The following RAB38 variants were observed in gnomAD, a reference collection of about 807,000 sequenced individuals.
RAB38 encodes RAB38, member RAS oncogene family.
RAB38 carries 15 observed loss-of-function variants against 18.4 expected under a neutral mutation model. That is an observed-to-expected ratio of 0.82 (90% CI 0.55 to 1.26). The LOEUF (loss-of-function observed/expected upper bound fraction) is 1.26, where lower values mean the gene tolerates loss of function less well. RAB38 is among the 50% of genes most tolerant of loss of function. The pLI is 0.00. For missense variants in RAB38, 294 were observed against 267.4 expected, an observed-to-expected ratio of 1.10 and a Z score of -0.69; for synonymous variants, 101 against 104.4, an observed-to-expected ratio of 0.97 and a Z score of 0.20.
At chr11:88,033,725 C>CTTTTTTTTTT in the RAB38 span, among the ~76,000 whole-genome samples, 4 of 101,120 alleles carry the variant, frequency 4.0e-5, no homozygotes, top group African/African-American at 7.8e-5. Context: ...GTTGTGTTGC[C>CTTTTTTTTTT]TTTTTTTTTT....
At chr11:87,893,959 T>A in the RAB38 span, among the ~76,000 whole-genome samples, 2 of 151,700 alleles carry the variant, frequency 1.3e-5, no homozygotes, top group Non-Finnish European at 3.0e-5. Context: ...TAAAATGCCA[T>A]TGGGATCTTG....
chr11:88,010,207 C>T, the RAB38 span, among the ~76,000 whole-genome samples: 1 of 152,122 alleles, frequency 6.6e-6, no homozygotes, highest in Admixed American at 6.5e-5. Context: ...ACACACTTGA[C>T]TTATGCTGTA....
At chr11:88,046,706 T>C in the RAB38 span, among the ~76,000 whole-genome samples, 1 of 152,148 alleles carries the variant, frequency 6.6e-6, no homozygotes, top group Admixed American at 6.5e-5. Flanking sequence ...AAAACACAAC[T>C]CCTTTCCTTC....
the RAB38 span, among the ~76,000 whole-genome samples, chr11:87,857,414 T>C: frequency 1.3e-5 from 2 of 152,194 alleles, no homozygotes; most frequent in African/African-American, 4.8e-5. Context: ...GTATTTCTAG[T>C]TCTAGATCCC....
At chr11:87,854,802 TTTTC>T in the RAB38 span, among the ~76,000 whole-genome samples, 1 of 152,204 alleles carries the variant, frequency 6.6e-6, no homozygotes, top group South Asian at 2.1e-4. Context: ...TATGATTCCT[TTTTC>T]TTTTTTGAGA....
chr11:87,930,598 T>G, the RAB38 span, among the ~76,000 whole-genome samples: 5 of 152,198 alleles, frequency 3.3e-5, no homozygotes, highest in African/African-American at 7.2e-5. Flanking sequence ...TTTTGGCTTT[T>G]GTTGCCATTG....
chr11:88,024,108 A>C, the RAB38 span, among the ~76,000 whole-genome samples: 3 of 152,164 alleles, frequency 2.0e-5, no homozygotes, highest in Non-Finnish European at 4.4e-5. Flanking sequence ...GTGAAGAGAT[A>C]ACCAGTAGAA....
At chr11:88,059,675 T>C in the RAB38 span, among the ~76,000 whole-genome samples, 3 of 152,208 alleles carry the variant, frequency 2.0e-5, no homozygotes, top group Admixed American at 2.0e-4. Context: ...TGTTTGGTCC[T>C]GAGTCTGTTA....
downstream of RAB38, among the ~76,000 whole-genome samples, chr11:88,111,165 C>CCCTATAAAT (rs1942468633): frequency 6.6e-6 from 1 of 152,174 alleles, no homozygotes; most frequent in Non-Finnish European, 1.5e-5. Context: ...TGCAATAACT[C>CCCTATAAAT]AGACATTTAT....
At chr11:87,922,788 A>G in the RAB38 span, among the ~76,000 whole-genome samples, 1 of 151,820 alleles carries the variant, frequency 6.6e-6, no homozygotes, top group Non-Finnish European at 1.5e-5. Flanking sequence ...TAAATAAGAA[A>G]GGAGGAAAGA....
chr11:87,930,430 A>G, the RAB38 span, among the ~76,000 whole-genome samples: 1 of 151,832 alleles, frequency 6.6e-6, no homozygotes, highest in Non-Finnish European at 1.5e-5. Context: ...TTTTCTTGTA[A>G]ATTTGTTTGA....
chr11:88,007,033 T>TGTGATGGA, the RAB38 span, among the ~76,000 whole-genome samples: 1 of 151,890 alleles, frequency 6.6e-6, no homozygotes, highest in Non-Finnish European at 1.5e-5. Context: ...GAAATAATGT[T>TGTGATGGA]TAATGTGATG....
the RAB38 span, among the ~76,000 whole-genome samples, chr11:87,852,991 A>G: frequency 6.6e-6 from 1 of 152,202 alleles, no homozygotes; most frequent in Non-Finnish European, 1.5e-5. Context: ...ACAAAATGGG[A>G]TGCCTCCTAA....
the RAB38 span, among the ~76,000 whole-genome samples, chr11:87,910,825 C>T: frequency 5.9e-5 from 9 of 151,606 alleles, 1 homozygote; most frequent in African/African-American, 1.9e-4. Flanking sequence ...TTAGTAGAGA[C>T]GGGGTTTCAC....
At chr11:88,112,795 T>C (rs551139157), downstream of RAB38, among the ~76,000 whole-genome samples, 1 of 124,522 alleles carries the variant, frequency 8.0e-6, no homozygotes, top group Non-Finnish European at 1.6e-5. Context: ...AACAACAAAA[T>C]ATATATATAT....
At chr11:88,031,287 A>G in the RAB38 span, among the ~76,000 whole-genome samples, 1 of 151,524 alleles carries the variant, frequency 6.6e-6, no homozygotes, top group African/African-American at 2.4e-5. Flanking sequence ...GAATGGGCAA[A>G]AACTGGAAGC....
chr11:87,953,304 ATGTATAAGGAATAGGT>A, the RAB38 span, among the ~76,000 whole-genome samples: 1 of 152,154 alleles, frequency 6.6e-6, no homozygotes, highest in African/African-American at 2.4e-5. Flanking sequence ...GTAGTGATGA[ATGTATAAGGAATAGGT>A]GCTAGAGAGT....
the RAB38 span, among the ~76,000 whole-genome samples, chr11:87,952,684 C>A: frequency 6.6e-6 from 1 of 152,076 alleles, no homozygotes; most frequent in Non-Finnish European, 1.5e-5. Flanking sequence ...GTCACTATGT[C>A]CTGAGGATTG....
chr11:88,049,800 T>G, the RAB38 span, among the ~76,000 whole-genome samples: 2 of 152,196 alleles, frequency 1.3e-5, no homozygotes, highest in African/African-American at 4.8e-5. Context: ...ATTTTAGAGT[T>G]TTCCATATTT....
Sources: gnomAD v4.1 joint callset for allele counts (sites outside exome capture counted in the v4.1 genomes callset) on GRCh38, gnomAD v4.1.1 for gene constraint, MANE v1.5 for transcripts, NCBI Gene and HGNC (gene_info 2026-07-23, HGNC 2026-07-21) for gene names.